CNTLN: variants seen among roughly 807,000 people sequenced by gnomAD.
CNTLN encodes the protein centlein.
Under a neutral mutation model 180.0 loss-of-function variants are expected in CNTLN, and 212 were observed. The ratio of observed to expected loss-of-function variants is 1.18; its 90% CI spans 1.05 to 1.32. The LOEUF (loss-of-function observed/expected upper bound fraction) is 1.32. Among genes scored for constraint, CNTLN ranks in the 40% most tolerant of loss-of-function variants. The probability of loss-of-function intolerance (pLI) is 0.00; values close to 1 mark genes in which losing one functional copy is unlikely to be tolerated. For missense variants in CNTLN, 2,095 were observed against 1,610.9 expected (o/e 1.30, Z -5.14); for synonymous variants, 722 against 563.1 (o/e 1.28, Z -3.99).
At chr9:17,462,868 G>T (rs1214125188) in intron 19 of CNTLN, 48 bp from the exon 20 acceptor site, 1 of 994,362 alleles carries the variant, frequency 1.0e-6, no homozygotes, top group Admixed American at 2.8e-5. Context: ...TGCTGCCTTA[G>T]ACCAAGGTTG....
rs200116811 is a variant in CNTLN, at chr9:17,309,142, C to A, written c.1231C>A (p.Gln411Lys). The change falls in exon 8 of 26, where the codon CAG becomes AAG. Residue 411 changes from glutamine to lysine, a missense_variant. Coordinates refer to ENST00000380647, the MANE Select transcript of CNTLN (RefSeq NM_017738.4). ...LRQSVTNLQDQLLQKEQENAK... is the reference protein window; with the variant it reads ...LRQSVTNLQDKLLQKEQENAK... ...GCAAAGTGTTACTAATCTTCAGGAT[C>A]AGCTATTACAAAAAGAGCAAGAAAA... is the stretch of plus-strand genomic sequence containing the variant. The A allele has an allele frequency of 6.2e-7, 1 of 1,610,578 alleles. No homozygotes were observed. Among genetic ancestry groups the A allele is most frequent in the African/African-American group, 1.3e-5 (1 of 74,922 alleles).
At chr9:17,402,106 C>T (rs1023723234) in intron 15 of CNTLN, among the ~76,000 whole-genome samples, 2 of 151,734 alleles carry the variant, frequency 1.3e-5, no homozygotes, top group Non-Finnish European at 2.9e-5. Flanking sequence ...TGACAAGAAC[C>T]ACATATAGAC....
intron 5 of CNTLN, among the ~76,000 whole-genome samples, chr9:17,258,179 T>G (rs1221485625): frequency 6.8e-6 from 1 of 146,196 alleles, no homozygotes; most frequent in Non-Finnish European, 1.5e-5. Context: ...GGGATCCAGT[T>G]TCAGCTTTCT....
chr9:17,263,395 G>C (rs1827161534), intron 5 of CNTLN, among the ~76,000 whole-genome samples: 1 of 150,900 alleles, frequency 6.6e-6, no homozygotes, highest in African/African-American at 2.5e-5. Flanking sequence ...TGGCTGCATA[G>C]TATTCCATGG....
intron 18 of CNTLN, among the ~76,000 whole-genome samples, chr9:17,444,467 A>T (rs989816554): frequency 1.3e-5 from 2 of 152,178 alleles, no homozygotes; most frequent in Non-Finnish European, 2.9e-5. Context: ...TGATTTATAC[A>T]TTGCAGTACT....
At chr9:17,409,579 C>A in intron 16 of CNTLN, 106 bp downstream of exon 16, 1 of 800,398 alleles carries the variant, frequency 1.2e-6, no homozygotes, top group Non-Finnish European at 1.9e-6. Context: ...TGAATTCTTA[C>A]AAGTTAAGTC....
intron 12 of CNTLN, among the ~76,000 whole-genome samples, chr9:17,349,038 T>C (rs1223675259): frequency 6.6e-6 from 1 of 152,156 alleles, no homozygotes; most frequent in African/African-American, 2.4e-5. Flanking sequence ...TGAGTTTCTC[T>C]AGGAACTAGC....
At chr9:17,346,344 A>G (rs1821893424) in intron 12 of CNTLN, among the ~76,000 whole-genome samples, 1 of 152,090 alleles carries the variant, frequency 6.6e-6, no homozygotes, top group African/African-American at 2.4e-5. Context: ...AGATCTCACT[A>G]GCATGAGAAC....
At chr9:17,431,748 C>T (rs547196657) in intron 18 of CNTLN, among the ~76,000 whole-genome samples, 10 of 152,230 alleles carry the variant, frequency 6.6e-5, no homozygotes, top group Middle Eastern at 6.8e-3. Context: ...CATTAATTAA[C>T]AGTCCTAGGA....
intron 5 of CNTLN, among the ~76,000 whole-genome samples, chr9:17,271,486 T>A (rs962456605): frequency 6.6e-6 from 1 of 151,462 alleles, no homozygotes; most frequent in African/African-American, 2.4e-5. Flanking sequence ...TTTAGGTTTT[T>A]CATGAAAATT....
intron 6 of CNTLN, among the ~76,000 whole-genome samples, chr9:17,294,923 GGGGAGGGC>G (rs1817748724): frequency 7.8e-6 from 1 of 128,032 alleles, no homozygotes; most frequent in Admixed American, 7.6e-5. Flanking sequence ...GGGGGAGTGG[GGGGAGGGC>G]GGGGGAGGCT....
chr9:17,309,371 C>A, intron 8 of CNTLN, 119 bp downstream of exon 8: 1 of 811,044 alleles, frequency 1.2e-6, no homozygotes, highest in Non-Finnish European at 1.8e-6. Context: ...AAGAAGTGTG[C>A]AGATTGTTTT....
intron 15 of CNTLN, among the ~76,000 whole-genome samples, chr9:17,408,110 C>T (rs949144438): frequency 9.5e-6 from 1 of 104,920 alleles, no homozygotes; most frequent in Non-Finnish European, 1.7e-5. Context: ...CTGGGTACAA[C>T]AGAGTGAGAC....
At chr9:17,180,008 A>G (rs1821020177) in intron 2 of CNTLN, among the ~76,000 whole-genome samples, 1 of 152,026 alleles carries the variant, frequency 6.6e-6, no homozygotes. Flanking sequence ...TTGAAGAATG[A>G]TTACATATCT....
intron 18 of CNTLN, among the ~76,000 whole-genome samples, chr9:17,423,523 A>G (rs936555227): frequency 6.6e-6 from 1 of 152,100 alleles, no homozygotes; most frequent in Non-Finnish European, 1.5e-5. Flanking sequence ...GGGAGGGGTG[A>G]TGTAAACACT....
At chr9:17,235,916 C>A in intron 4 of CNTLN, 124 bp downstream of exon 4, 2 of 882,028 alleles carry the variant, frequency 2.3e-6, no homozygotes, top group South Asian at 4.6e-5. Context: ...CCCTCCTGTA[C>A]CATACAGTTT....
At chr9:17,296,313 C>G (rs1817931299) in intron 6 of CNTLN, among the ~76,000 whole-genome samples, 1 of 152,064 alleles carries the variant, frequency 6.6e-6, no homozygotes, top group Non-Finnish European at 1.5e-5. Flanking sequence ...CCATCGCACC[C>G]TGCCTAGTGT....
intron 5 of CNTLN, among the ~76,000 whole-genome samples, chr9:17,240,506 G>C (rs528443002): frequency 1.3e-5 from 2 of 152,250 alleles, no homozygotes; most frequent in South Asian, 4.1e-4. Flanking sequence ...AATAGAGAAA[G>C]AGTGGATATC....
chr9:17,268,542 C>T (rs200020699), intron 5 of CNTLN, among the ~76,000 whole-genome samples: 5 of 152,132 alleles, frequency 3.3e-5, no homozygotes, highest in African/African-American at 7.2e-5. Flanking sequence ...CCGCGTGCTG[C>T]GAGAACCACT....
Sources: gnomAD v4.1 joint callset for allele counts (sites outside exome capture counted in the v4.1 genomes callset) on GRCh38, gnomAD v4.1.1 for gene constraint, MANE v1.5 for transcripts, NCBI Gene and HGNC (gene_info 2026-07-23, HGNC 2026-07-21) for gene names.